The following GRK5 variants were observed in gnomAD, a reference collection of about 807,000 sequenced individuals.
GRK5 encodes the protein G protein-coupled receptor kinase 5.
GRK5 carries 40 observed loss-of-function variants against 78.4 expected under a neutral mutation model. The observed-to-expected ratio is 0.51, with a 90% CI of 0.40 to 0.66. GRK5 has a LOEUF of 0.66. Ranked by LOEUF, GRK5 falls within the 30% of genes least tolerant of loss-of-function variation. The pLI is 0.00. For missense variants in GRK5, 598 were observed against 759.9 expected (o/e 0.79, Z 2.50); for synonymous variants, 289 against 296.8 (o/e 0.97, Z 0.27).
At chr10:119,372,002 T>A (rs1455589092) in intron 2 of GRK5, among the ~76,000 whole-genome samples, 2 of 152,210 alleles carry the variant, frequency 1.3e-5, no homozygotes, top group African/African-American at 2.4e-5. Flanking sequence ...AGCAGAATAA[T>A]TATGTGTGGC....
chr10:119,307,755 A>C (rs1312707646), intron 1 of GRK5, among the ~76,000 whole-genome samples: 1 of 98,092 alleles, frequency 1.0e-5, no homozygotes, highest in Non-Finnish European at 2.5e-5. Context: ...GCCATGCTCT[A>C]CTCTGGTCTC....
intron 3 of GRK5, among the ~76,000 whole-genome samples, chr10:119,392,505 C>T (rs781607855): frequency 3.3e-5 from 5 of 152,208 alleles, no homozygotes; most frequent in Admixed American, 6.5e-5. Context: ...CGAGTTCAAT[C>T]GATTCTCCTG....
At chr10:119,317,113 T>A (rs149962673) in intron 1 of GRK5, among the ~76,000 whole-genome samples, 1 of 152,238 alleles carries the variant, frequency 6.6e-6, no homozygotes, top group East Asian at 1.9e-4. Context: ...AGTGACAAGT[T>A]GGGGCCTATG....
chr10:119,389,542 G>A (rs997964319), intron 3 of GRK5, among the ~76,000 whole-genome samples: 2 of 152,172 alleles, frequency 1.3e-5, no homozygotes, highest in Non-Finnish European at 2.9e-5. Context: ...TCTCCTGGGT[G>A]CCCCACCCGC....
rs1849690540 is a variant in GRK5, at chr10:119,277,591, GC to G, written c.53-48923del. On this transcript the variant is annotated intron_variant, in intron 1 of 15. Coordinates refer to ENST00000392870, the MANE Select transcript of GRK5 (RefSeq NM_005308.3). The stretch of plus-strand genomic sequence containing the variant: ...ATTGAGTGTAATTGACAGACAGTAA[GC>G]CACACATATTTAAAGAATATGATTT... Among the ~76,000 whole-genome samples the G allele has an allele frequency of 3.9e-5, 6 of 152,154 alleles. No individual in the cohort carries two copies. In the South Asian group the frequency reaches 1.2e-3, roughly 32 times the overall value.
intron 2 of GRK5, among the ~76,000 whole-genome samples, chr10:119,353,569 C>T (rs1350494749): frequency 6.6e-6 from 1 of 152,180 alleles, no homozygotes; most frequent in Non-Finnish European, 1.5e-5. Flanking sequence ...TCCAGGCTTT[C>T]CCTATGAACA....
chr10:119,309,708 T>C (rs532248363), intron 1 of GRK5, among the ~76,000 whole-genome samples: 6 of 152,316 alleles, frequency 3.9e-5, no homozygotes, highest in Non-Finnish European at 7.4e-5. Flanking sequence ...CATCTCTGTG[T>C]TGGAATCCTC....
intron 1 of GRK5, among the ~76,000 whole-genome samples, chr10:119,289,302 C>G (rs1849911474): frequency 6.6e-6 from 1 of 152,168 alleles, no homozygotes; most frequent in African/African-American, 2.4e-5. Flanking sequence ...TTATTGTGAT[C>G]AAGGATTTCT....
At chr10:119,305,223 C>T (rs773916435) in intron 1 of GRK5, among the ~76,000 whole-genome samples, 1 of 151,982 alleles carries the variant, frequency 6.6e-6, no homozygotes, top group Non-Finnish European at 1.5e-5. Flanking sequence ...TGTGGGAACC[C>T]GTGGTCCCCT....
intron 1 of GRK5, among the ~76,000 whole-genome samples, chr10:119,308,613 G>A (rs1437051326): frequency 6.6e-6 from 1 of 152,224 alleles, no homozygotes; most frequent in African/African-American, 2.4e-5. Flanking sequence ...GTGACGTTGG[G>A]CCGGTCAGCC....
intron 4 of GRK5, among the ~76,000 whole-genome samples, chr10:119,418,921 T>C (rs1852516524): frequency 6.6e-6 from 1 of 151,986 alleles, no homozygotes; most frequent in Non-Finnish European, 1.5e-5. Flanking sequence ...TGGATTTCTG[T>C]ATGGTTAGAC....
chr10:119,341,505 T>G (rs925284609), intron 2 of GRK5, among the ~76,000 whole-genome samples: 9 of 152,176 alleles, frequency 5.9e-5, no homozygotes, highest in African/African-American at 1.9e-4. Flanking sequence ...CAACTCAACC[T>G]TAGTCCCCTG....
chr10:119,318,502 A>T (rs967202026), intron 1 of GRK5, among the ~76,000 whole-genome samples: 4 of 152,200 alleles, frequency 2.6e-5, no homozygotes, highest in African/African-American at 9.6e-5. Flanking sequence ...GTTAGACCTT[A>T]GACCGTCCAC....
intron 2 of GRK5, among the ~76,000 whole-genome samples, chr10:119,371,786 A>T (rs576179611): frequency 6.6e-6 from 1 of 152,326 alleles, no homozygotes; most frequent in Admixed American, 6.5e-5. Flanking sequence ...TCATTTCCTG[A>T]GTCTGATAGA....
At chr10:119,314,160 G>A (rs868138967) in intron 1 of GRK5, among the ~76,000 whole-genome samples, 1 of 152,226 alleles carries the variant, frequency 6.6e-6, no homozygotes, top group Non-Finnish European at 1.5e-5. Context: ...CATCTACCCC[G>A]TGGCTTTTGC....
rs770382448 is a variant in GRK5, at chr10:119,253,185, G to T, written c.52+45216G>T. 1.4e-4 allele frequency among the ~76,000 whole-genome samples: 21 copies of T among 152,228 alleles called. No individual in the cohort carries two copies. The highest frequency in any genetic ancestry group is 2.5e-4 in the Non-Finnish European group (17 of 68,044). On this transcript the variant is annotated intron_variant, in intron 1 of 15. Transcript: ENST00000392870. The surrounding 1 kb of genome is among the most constrained non-coding windows in gnomAD (Gnocchi z 5.7). ...TGACAGAGGGTGTCTACACCACCCA[G>T]TGCCCCCTTGAGCTCACATCTGAGG...
intron 1 of GRK5, among the ~76,000 whole-genome samples, chr10:119,274,610 G>C (rs1223074374): frequency 6.6e-6 from 1 of 152,220 alleles, no homozygotes. Context: ...ATGCTGCTGT[G>C]CCTCTTGAGG....
intron 2 of GRK5, among the ~76,000 whole-genome samples, chr10:119,345,951 C>T (rs1851082965): frequency 6.6e-6 from 1 of 152,080 alleles, no homozygotes; most frequent in Admixed American, 6.5e-5. Context: ...CCAAGCTTTA[C>T]CTCCAATGTC....
chr10:119,409,053 C>T (rs1338513730), intron 4 of GRK5, among the ~76,000 whole-genome samples: 1 of 152,198 alleles, frequency 6.6e-6, no homozygotes, highest in Admixed American at 6.5e-5. Context: ...TGAGCAAGCC[C>T]CGGAGGCGGT....
Sources: gnomAD v4.1 joint callset for allele counts (sites outside exome capture counted in the v4.1 genomes callset) on GRCh38, gnomAD v4.1.1 for gene constraint, Gnocchi (gnomAD v3.1) non-coding constraint, MANE v1.5 for transcripts, NCBI Gene and HGNC (gene_info 2026-07-23, HGNC 2026-07-21) for gene names.